CDH15: variants seen among roughly 807,000 people sequenced by gnomAD.
The protein encoded by CDH15 is cadherin-15.
In CDH15, 73 loss-of-function variants were observed where a neutral mutation model predicts 69.4. The ratio of observed to expected loss-of-function variants is 1.05; its 90% CI spans 0.87 to 1.28. The LOEUF is 1.28. Among genes scored for constraint, CDH15 ranks in the 50% most tolerant of loss-of-function variants. The pLI is 0.00. For synonymous variants in CDH15, 624 were observed against 507.7 expected, an observed-to-expected ratio of 1.23 and a Z score of -3.08; for missense variants, 1,343 against 1,133.6, an observed-to-expected ratio of 1.18 and a Z score of -2.65.
At chr16:89,180,004 C>T (rs538843316) in intron 2 of CDH15, among the ~76,000 whole-genome samples, 196 bp from the exon 3 acceptor site, 17 of 152,346 alleles carry the variant, frequency 1.1e-4, no homozygotes, top group East Asian at 7.7e-4. Flanking sequence ...GGCTGCAAGA[C>T]GGGGCACCCT....
Position 89,171,770 on chromosome 16 carries a change from C to T in CDH15, c.-62C>T, listed in dbSNP as rs1915156131. On this transcript the variant is annotated 5_prime_UTR_variant, in exon 1 of 14. Transcript: ENST00000289746. ...CGCCCCGCGCACTTGCGCTGTCACTCAGCCTGGACGCGCTTCTTCGGGTCG... is the reference window on the plus strand; with the variant it reads ...CGCCCCGCGCACTTGCGCTGTCACTTAGCCTGGACGCGCTTCTTCGGGTCG... 4.0e-6 allele frequency: 6 copies of T among 1,511,810 alleles called. No individual in the cohort carries two copies. Among genetic ancestry groups the T allele is most frequent in the Admixed American group, 2.0e-5 (1 of 50,862 alleles). 93.6% of individuals were successfully genotyped at this position (1,511,810 alleles called of 1,614,324 possible).
chr16:89,180,974 C>CTTTTTTTTTTTTTTTT (rs770080908), intron 3 of CDH15, among the ~76,000 whole-genome samples: 2,259 of 96,414 alleles, frequency 0.023, 306 homozygotes, highest in East Asian at 0.17. Flanking sequence ...CGCGCCCGAC[C>CTTTTTTTTTTTTTTTT]TTTTTTTTTT....
Position 89,188,153 on chromosome 16 carries a change from A to G in CDH15, c.846A>G (p.Glu282=), listed in dbSNP as rs765889692. ...GCGGAGTGGATGTGGGACGCCTGGA[A>G]GTGGAGGACAGGGACCTGCCAGGCT... is the stretch of plus-strand genomic sequence containing the variant. The part of the protein sequence containing the change: ...AVSGVDVGRL[E]VEDRDLPGSP... Residue 282 remains glutamate, a synonymous_variant, in exon 7 of 14, where the codon GAA becomes GAG. Transcript: ENST00000289746. 4.3e-6 allele frequency: 7 copies of G among 1,613,432 alleles called. No homozygotes were observed. In the Middle Eastern group the frequency reaches 8.2e-4, roughly 190 times the overall value.
At position 89,180,285 on chromosome 16, in the gene CDH15, C is replaced by CT; in HGVS notation, c.288dup (p.Ile97TyrfsTer20). 6.2e-7 allele frequency: 1 copy of CT among 1,611,550 alleles called. No individual in the cohort carries two copies. Among genetic ancestry groups the CT allele is most frequent in the South Asian group, 1.1e-5 (1 of 90,578 alleles). On this transcript the variant is annotated frameshift_variant, in exon 3 of 14. Transcript: ENST00000289746. LOFTEE classifies it high-confidence loss of function. ...GATGAGGAGCCCCGGGGCGTCTTCT[C>CT]TATCGACAAGTTCACAGGGAAGGTC...
rs113737196 is a variant in CDH15 at position 89,188,460 on chromosome 16, A to G, written c.978+175A>G. ...TGCCGGCACACACACATGCCGGCAC[A>G]CACAGATGCCCACACACAGATGCCG... is the stretch of plus-strand genomic sequence containing the variant. On this transcript the variant is annotated intron_variant, in intron 7 of 13. Transcript: ENST00000289746. Among the ~76,000 whole-genome samples the G allele has an allele frequency of 3.1e-3, 371 of 118,620 alleles. 8 individuals carry two copies. Among genetic ancestry groups the G allele is most frequent in the African/African-American group, 9.0e-3 (227 of 25,228 alleles). 77.8% of individuals were successfully genotyped at this position (118,620 alleles called of 152,430 possible).
chr16:89,183,142 A>G (rs1179407656), intron 3 of CDH15: 1 of 179,250 alleles, frequency 5.6e-6, no homozygotes, highest in South Asian at 1.2e-4. Flanking sequence ...AGATGTCGCC[A>G]TTGGACTCCA....
At chr16:89,177,862 A>C (rs1328877149) in intron 1 of CDH15, among the ~76,000 whole-genome samples, 3 of 152,006 alleles carry the variant, frequency 2.0e-5, no homozygotes. Context: ...AGAGCCATGC[A>C]GCCCACCCAG....
At chr16:89,191,596 C>T (rs1382190573) in intron 9 of CDH15, 59 bp from the exon 10 acceptor site, 11 of 1,571,584 alleles carry the variant, frequency 7.0e-6, no homozygotes, top group Non-Finnish European at 8.6e-6. Context: ...CGCTCTGAGC[C>T]GACTGGTGGG....
intron 1 of CDH15, 54 bp downstream of exon 1, chr16:89,171,927 C>G (rs1700481727): frequency 6.7e-7 from 1 of 1,503,224 alleles, no homozygotes; most frequent in Non-Finnish European, 9.0e-7. Flanking sequence ...CGCTGCGGGA[C>G]AGTGTCTTCA....
intron 4 of CDH15, among the ~76,000 whole-genome samples, chr16:89,184,590 C>T (rs1597306476): frequency 6.6e-6 from 1 of 152,216 alleles, no homozygotes; most frequent in Non-Finnish European, 1.5e-5. Flanking sequence ...TGCACCCAGC[C>T]TGCCCGCGCA....
intron 1 of CDH15, among the ~76,000 whole-genome samples, chr16:89,177,197 C>A (rs942031723): frequency 2.0e-5 from 3 of 150,264 alleles, no homozygotes; most frequent in African/African-American, 7.3e-5. Context: ...GCGGGAAGGG[C>A]CTCGGGTCTC....
At chr16:89,184,484 G>A (rs1419290717) in intron 4 of CDH15, among the ~76,000 whole-genome samples, 2 of 152,150 alleles carry the variant, frequency 1.3e-5, no homozygotes, top group African/African-American at 4.8e-5. Flanking sequence ...TCCCTCTAGC[G>A]GCACCTTCGT....
chr16:89,190,819 G>C (rs1289595358), intron 8 of CDH15, among the ~76,000 whole-genome samples: 1 of 152,120 alleles, frequency 6.6e-6, no homozygotes, highest in Non-Finnish European at 1.5e-5. Context: ...GTGTATCCCT[G>C]TCTGTGTCCA....
Position 89,185,294 on chromosome 16 carries a change from A to G in CDH15, c.624A>G (p.Thr208=), listed in dbSNP as rs528163163. 218 of 1,606,338 alleles carry G rather than the reference A, an allele frequency of 1.4e-4. No individual in the cohort carries two copies. In the East Asian group the frequency reaches 4.9e-3, roughly 36 times the overall value. The change falls in exon 5 of 14, where the codon ACA becomes ACG. Residue 208 remains threonine (T), a synonymous_variant. Coordinates refer to ENST00000289746, the MANE Select transcript of CDH15 (RefSeq NM_004933.3). ...SPELFSIDEL[T]GEIRTVQVGL... ...AGCTCTTCAGCATCGACGAGCTCACAGGAGAGATCCGCACAGTGCAAGTGG... is the reference window on the plus strand; with the variant it reads ...AGCTCTTCAGCATCGACGAGCTCACGGGAGAGATCCGCACAGTGCAAGTGG...
chr16:89,178,840 G>A (rs73261990), intron 1 of CDH15, among the ~76,000 whole-genome samples: 9,109 of 152,158 alleles, frequency 0.06, 684 homozygotes, highest in East Asian at 0.37. Flanking sequence ...TTTCCTGCAG[G>A]CACCTCCCCT....
In CDH15 at chr16:89,171,763, T is replaced by C; in HGVS notation, c.-69T>C. ...CCTGGCCCGCCCCGCGCACTTGCGC[T>C]GTCACTCAGCCTGGACGCGCTTCTT... On this transcript the variant is annotated 5_prime_UTR_variant, in exon 1 of 14. Coordinates refer to ENST00000289746, the MANE Select transcript of CDH15 (RefSeq NM_004933.3). 1 of 1,445,330 alleles carries C rather than the reference T, an allele frequency of 6.9e-7. No homozygotes were observed. Among genetic ancestry groups the C allele is most frequent in the Non-Finnish European group, 9.2e-7 (1 of 1,083,510 alleles). The allele number at this position is 1,445,330 out of a possible 1,614,324, so 89.5% of individuals were successfully genotyped here.
chr16:89,186,535 A>G (rs1446250265), intron 5 of CDH15, among the ~76,000 whole-genome samples: 1 of 132,346 alleles, frequency 7.6e-6, no homozygotes, highest in Non-Finnish European at 1.6e-5. Flanking sequence ...GGTGCTCTGT[A>G]AACGCTTACC....
Position 89,185,213 on chromosome 16 carries a change from C to A in CDH15, c.543C>A (p.Asp181Glu). ...GGGCAGAGGCCACAGATGCCGACGA[C>A]CCCGAGACGGACAACGCAGCGCTGC... is the stretch of plus-strand genomic sequence containing the variant. ...VTRAEATDADDPETDNAALRF... is the reference protein window; with the variant it reads ...VTRAEATDADEPETDNAALRF... Residue 181 changes from aspartate to glutamate, a missense_variant, in exon 5 of 14, where the codon GAC becomes GAA. Coordinates refer to ENST00000289746, the MANE Select transcript of CDH15 (RefSeq NM_004933.3). The A allele has an allele frequency of 2.5e-6, 4 of 1,605,502 alleles. No individual in the cohort carries two copies. The highest frequency in any genetic ancestry group is 3.4e-6 in the Non-Finnish European group (4 of 1,176,630).
chr16:89,186,352 G>A (rs530162353), intron 5 of CDH15, among the ~76,000 whole-genome samples: 13 of 134,452 alleles, frequency 9.7e-5, no homozygotes, highest in Middle Eastern at 5.0e-3. Context: ...CTCACCCAGC[G>A]CACAGAAGGT....
Sources: gnomAD v4.1 joint callset for allele counts (sites outside exome capture counted in the v4.1 genomes callset) on GRCh38, gnomAD v4.1.1 for gene constraint, MANE v1.5 for transcripts, NCBI Gene and HGNC (gene_info 2026-07-23, HGNC 2026-07-21) for gene names.